Variants in BTBD7 observed in about 807,000 individuals in gnomAD.
BTBD7 encodes the protein BTB domain containing 7.
Under a neutral mutation model 99.9 loss-of-function variants are expected in BTBD7, and 38 were observed. The observed-to-expected ratio is 0.38, with a 90% CI of 0.29 to 0.50. The LOEUF (loss-of-function observed/expected upper bound fraction) is 0.50. BTBD7 is among the 20% of genes least tolerant of loss of function. The probability of loss-of-function intolerance (pLI) is 0.93; values close to 1 mark genes in which losing one functional copy is unlikely to be tolerated. For missense variants in BTBD7, 1,170 were observed against 1,394.6 expected (o/e 0.84, Z 2.57); for synonymous variants, 520 against 511.4 (o/e 1.02, Z -0.23).
At chr14:93,298,673 A>G (rs2139777251) in intron 1 of BTBD7, among the ~76,000 whole-genome samples, 1 of 152,334 alleles carries the variant, frequency 6.6e-6, no homozygotes, top group Middle Eastern at 3.4e-3. Flanking sequence ...TACTTAAACC[A>G]TGTCAAAAAT....
At chr14:93,288,747 A>G in intron 3 of BTBD7, 1 of 1,605,368 alleles carries the variant, frequency 6.2e-7, no homozygotes, top group Non-Finnish European at 8.5e-7. Flanking sequence ...TTTTCATTTT[A>G]TAACCCCTGA....
rs1304810306 is a variant in BTBD7 at position 93,238,776 on chromosome 14, CG to C, written c.*3496del. 6.6e-6 allele frequency: 1 copy of C among 152,180 alleles called. No homozygotes were observed. The highest frequency in any genetic ancestry group is 6.5e-5 in the Admixed American group (1 of 15,280). The allele number at this position is 152,180 out of a possible 1,614,324, so 9.4% of individuals were successfully genotyped here. ...GCTTTGAGCCCCACTGCCGCTGGCG[CG>C]TGTTTCCAATTTGCCTTCTGCATCG... On this transcript the variant is annotated 3_prime_UTR_variant, in exon 11 of 11. Transcript: ENST00000334746.
In BTBD7 at chr14:93,246,084, T is replaced by C. The variant is rs754257757; in HGVS notation, c.2324A>G (p.Gln775Arg). ...YHPPATPIHN[Q>R]LKAGWKQRPP... ...TCTTTGCTTCCAGCCTGCTTTGAGTTGGTTATGGATTGGGGTAGCTGGGGG... is the reference window on the plus strand; with the variant it reads ...TCTTTGCTTCCAGCCTGCTTTGAGTCGGTTATGGATTGGGGTAGCTGGGGG... Residue 775 changes from glutamine to arginine, a missense_variant, in exon 10 of 11, where the codon CAA becomes CGA. Physicochemically the swap from Gln to Arg is conservative, Grantham distance 43. Transcript: ENST00000334746. The C allele has an allele frequency of 1.4e-5, 23 of 1,604,412 alleles. No homozygotes were observed. Among genetic ancestry groups the C allele is most frequent in the African/African-American group, 2.8e-5 (2 of 72,188 alleles).
At chr14:93,311,520 T>G (rs553407540) in intron 1 of BTBD7, among the ~76,000 whole-genome samples, 1 of 152,344 alleles carries the variant, frequency 6.6e-6, no homozygotes, top group Non-Finnish European at 1.5e-5. Context: ...CATAGATACA[T>G]AAATGTACAT....
At chr14:93,286,860 A>G (rs2052784605) in intron 3 of BTBD7, among the ~76,000 whole-genome samples, 1 of 152,202 alleles carries the variant, frequency 6.6e-6, no homozygotes, top group Non-Finnish European at 1.5e-5. Context: ...AAGATATGAT[A>G]AAGTCTCCAG....
chr14:93,297,607 A>C (rs1226003833), intron 1 of BTBD7, among the ~76,000 whole-genome samples: 1 of 152,304 alleles, frequency 6.6e-6, no homozygotes, highest in Non-Finnish European at 1.5e-5. Context: ...TACCTCTATT[A>C]ATTCCACTTC....
chr14:93,275,896 C>T (rs978670608), intron 3 of BTBD7, among the ~76,000 whole-genome samples: 1 of 152,152 alleles, frequency 6.6e-6, no homozygotes, highest in African/African-American at 2.4e-5. Flanking sequence ...CACATAGAAA[C>T]GTATCTTTCA....
chr14:93,312,932 G>A lies in BTBD7; in HGVS notation c.-106-16775C>T, dbSNP rs201757033. 2.6e-5 allele frequency among the ~76,000 whole-genome samples: 4 copies of A among 152,106 alleles called. No homozygotes were observed. In the South Asian group the frequency reaches 8.3e-4, roughly 32 times the overall value. ...CTTGAACCTAATGCCATGCCCACTG[G>A]AGTGACAGAAGTTTGGCATGACATA... On this transcript the variant is annotated intron_variant, in intron 1 of 10. Transcript: ENST00000334746.
Position 93,293,917 on chromosome 14 carries a change from T to C in BTBD7, c.1103A>G (p.Glu368Gly). ...VAGKPNMTRAEEAMELYHIAL... is the reference protein window; with the variant it reads ...VAGKPNMTRAGEAMELYHIAL... ...TATGTGGTAAAGTTCCATGGCTTCT[T>C]CTGCCCTGGTCATGTTTGGCTTCCC... Residue 368 changes from glutamate (E) to glycine (G), a missense_variant, in exon 3 of 11, where the codon GAA becomes GGA. By Grantham distance (98) the Glu-to-Gly change is moderately conservative. This residue lies in a region of BTBD7 where 359 missense variants were observed against 497.9 expected (regional missense o/e 0.72). Coordinates refer to ENST00000334746, the MANE Select transcript of BTBD7 (RefSeq NM_001002860.4). The C allele has an allele frequency of 1.2e-6, 2 of 1,613,802 alleles. No homozygotes were observed. The highest frequency in any genetic ancestry group is 1.7e-6 in the Non-Finnish European group (2 of 1,179,854).
Position 93,272,557 on chromosome 14 carries a change from C to T in BTBD7, c.1163-8564G>A, listed in dbSNP as rs193067217. On this transcript the variant is annotated intron_variant, in intron 3 of 10. Transcript: ENST00000334746. ...TTCAAATCCTTAGCATCTCATATAC[C>T]AATTACTGAAAAGCTTCCTACTGTC... Among the ~76,000 whole-genome samples the T allele has an allele frequency of 1.1e-4, 17 of 152,254 alleles. No individual in the cohort carries two copies. In the East Asian group the frequency reaches 3.1e-3, roughly 28 times the overall value.
Position 93,254,996 on chromosome 14 carries a change from T to C in BTBD7, c.1609-1206A>G, listed in dbSNP as rs143109269. Reference sequence around the variant, plus strand: ...AAACCAAAAGTTGTTTCTCCAATATTACTCTCATTAAATATAATCAACAGC... The same window carrying C: ...AAACCAAAAGTTGTTTCTCCAATATCACTCTCATTAAATATAATCAACAGC... On this transcript the variant is annotated intron_variant, in intron 6 of 10. Transcript: ENST00000334746. Among the ~76,000 whole-genome samples the C allele has an allele frequency of 7.5e-3, 1,143 of 152,290 alleles. 3 individuals are homozygous for C. Among genetic ancestry groups the C allele is most frequent in the Non-Finnish European group, 0.013 (875 of 68,016 alleles).
chr14:93,252,857 T>C lies in BTBD7; in HGVS notation c.1752+790A>G, dbSNP rs1015193721. Among the ~76,000 whole-genome samples the C allele has an allele frequency of 3.9e-5, 6 of 151,934 alleles. No individual in the cohort carries two copies. The East Asian group carries it at 9.7e-4, about 25-fold the overall frequency. ...TTTTTTTGAAGACTGGTTCTTACTC[T>C]GTCGCCCAGGTTGGAGTGCAGTGGC... On this transcript the variant is annotated intron_variant, in intron 7 of 10. Transcript: ENST00000334746.
chr14:93,289,280 A>G (rs527258169), intron 3 of BTBD7, among the ~76,000 whole-genome samples: 1 of 152,326 alleles, frequency 6.6e-6, no homozygotes, highest in South Asian at 2.1e-4. Flanking sequence ...ACAAAACCAC[A>G]TCCTTTTCTA....
rs1225799847 is a variant in BTBD7, at chr14:93,239,702, A to T, written c.*2571T>A. 6.6e-6 allele frequency: 1 copy of T among 152,546 alleles called. No homozygotes were observed. Among genetic ancestry groups the T allele is most frequent in the Non-Finnish European group, 1.5e-5 (1 of 68,038 alleles). 9.4% of individuals were successfully genotyped at this position (152,546 alleles called of 1,614,324 possible). A position where few individuals can be genotyped will look rare whatever the true frequency, so the allele number is the denominator to read the frequency against. On this transcript the variant is annotated 3_prime_UTR_variant, in exon 11 of 11. Transcript: ENST00000334746. ...ACAGATTAAAGCAAGTTTTCCCTTT[A>T]TACGCAAAGTTTTAGCCAGGTAAGC...
rs1315776609 is a variant in BTBD7, at chr14:93,242,479, T to A, written c.3193A>T (p.Thr1065Ser). ...RGRTAVETDL[T>S]FGLTPNRPSL... ...GGTCTGTTAGGAGTCAGCCCAAAAG[T>A]CAAGTCAGTTTCTACTGCAGTTCGT... Residue 1065 changes from threonine to serine, a missense_variant, in exon 11 of 11, where the codon ACT (threonine) becomes TCT (serine). Thr to Ser is a moderately conservative substitution (Grantham distance 58). Coordinates refer to ENST00000334746, the MANE Select transcript of BTBD7 (RefSeq NM_001002860.4). 2 of 1,614,070 alleles carry A rather than the reference T, an allele frequency of 1.2e-6. No homozygotes were observed. The highest frequency in any genetic ancestry group is 2.7e-5 in the African/African-American group (2 of 74,906).
chr14:93,277,648 T>C (rs2052670869), intron 3 of BTBD7, among the ~76,000 whole-genome samples: 2 of 152,214 alleles, frequency 1.3e-5, no homozygotes, highest in Admixed American at 6.5e-5. Flanking sequence ...TTAAATAATA[T>C]ACATACAGCT....
At position 93,245,954 on chromosome 14, in the gene BTBD7, C is replaced by G; in HGVS notation, c.2454G>C (p.Pro818=). The G allele has an allele frequency of 6.2e-7, 1 of 1,614,104 alleles. No homozygotes were observed. The highest frequency in any genetic ancestry group is 8.5e-7 in the Non-Finnish European group (1 of 1,180,022). Residue 818 remains proline (P), a synonymous_variant, in exon 10 of 11, where the codon CCG becomes CCC. Coordinates refer to ENST00000334746, the MANE Select transcript of BTBD7 (RefSeq NM_001002860.4). ...AATCAGGCGGTGCAGCTTTCACACT[C>G]GGCAAGTAGACTGGGGGAGGGCCAG... ...PKAGPPPVYL[P]SVKAAPPDCT... is the part of the protein sequence containing the mutation.
At chr14:93,332,776 A>C in intron 1 of BTBD7, 44 bp downstream of exon 1, 1 of 1,456,338 alleles carries the variant, frequency 6.9e-7, no homozygotes, top group Non-Finnish European at 9.0e-7. Context: ...CACACCGGAC[A>C]CAGCCTCGGC....
chr14:93,331,433 T>C (rs2139842666), intron 1 of BTBD7, among the ~76,000 whole-genome samples: 1 of 152,356 alleles, frequency 6.6e-6, no homozygotes, highest in Middle Eastern at 3.4e-3. Context: ...AAAGTTTTTC[T>C]GACTCCAAAA....
Sources: allele counts gnomAD v4.1 joint callset (sites outside exome capture counted in the v4.1 genomes callset), GRCh38; gene constraint gnomAD v4.1.1; regional missense constraint gnomAD v4.1.1; transcripts MANE v1.5; gene names NCBI Gene and HGNC (gene_info 2026-07-23, HGNC 2026-07-21).